Variants in SHISA9 observed in about 807,000 individuals in gnomAD.
The protein encoded by SHISA9 is protein shisa-9.
Under a neutral mutation model 38.0 loss-of-function variants are expected in SHISA9, and 13 were observed. The ratio of observed to expected loss-of-function variants is 0.34; its 90% CI spans 0.22 to 0.54. The LOEUF (loss-of-function observed/expected upper bound fraction) is 0.54, where lower values mean the gene tolerates loss of function less well. Among genes scored for constraint, SHISA9 ranks in the 20% least tolerant of loss-of-function variants. The probability of loss-of-function intolerance (pLI) is 0.91; values close to 1 mark genes in which losing one functional copy is unlikely to be tolerated. For synonymous variants in SHISA9, 275 were observed against 242.0 expected (o/e 1.14, Z -1.27); for missense variants, 538 against 575.8 (o/e 0.93, Z 0.67).
chr16:12,908,409 G>A, intron 1 of SHISA9: 1 of 1,539,716 alleles, frequency 6.5e-7, no homozygotes, highest in East Asian at 2.5e-5. Flanking sequence ...ATCCTTGTTG[G>A]TTTTGCAATT....
chr16:12,953,939 A>G (rs1311954004), intron 2 of SHISA9, among the ~76,000 whole-genome samples: 1 of 152,212 alleles, frequency 6.6e-6, no homozygotes, highest in Non-Finnish European at 1.5e-5. Context: ...CACTGTCATG[A>G]GAACAGCATG....
At chr16:13,562,137 C>T in the SHISA9 span, among the ~76,000 whole-genome samples, 1 of 152,110 alleles carries the variant, frequency 6.6e-6, no homozygotes, top group Non-Finnish European at 1.5e-5. Flanking sequence ...ATCCTTTTTC[C>T]TTCCAGCACC....
chr16:13,303,761 A>T, the SHISA9 span, among the ~76,000 whole-genome samples: 2 of 152,188 alleles, frequency 1.3e-5, no homozygotes, highest in East Asian at 1.9e-4. Flanking sequence ...ATTTTACCAA[A>T]TTTTTAAAAA....
intron 2 of SHISA9, among the ~76,000 whole-genome samples, chr16:13,027,863 G>A (rs955682078): frequency 7.0e-6 from 1 of 143,002 alleles, no homozygotes. Context: ...GGAGGCGGAG[G>A]TTGTAGTGAG....
intron 2 of SHISA9, among the ~76,000 whole-genome samples, chr16:12,928,609 G>A (rs2071423963): frequency 6.6e-6 from 1 of 152,148 alleles, no homozygotes; most frequent in Admixed American, 6.5e-5. Flanking sequence ...AACTTCTCTA[G>A]TTTTGATGCC....
intron 2 of SHISA9, among the ~76,000 whole-genome samples, chr16:13,091,396 T>C (rs2073773556): frequency 6.6e-6 from 1 of 152,214 alleles, no homozygotes; most frequent in Non-Finnish European, 1.5e-5. Context: ...AAGAGTGTTT[T>C]CCAACTTGGT....
chr16:13,227,507 A>G (rs576130342), intron 4 of SHISA9, among the ~76,000 whole-genome samples: 1 of 152,296 alleles, frequency 6.6e-6, no homozygotes, highest in African/African-American at 2.4e-5. Context: ...AGGCTGAAGA[A>G]CAGATCTGAG....
chr16:13,533,586 T>A, the SHISA9 span, among the ~76,000 whole-genome samples: 14 of 150,460 alleles, frequency 9.3e-5, no homozygotes, highest in African/African-American at 3.4e-4. Context: ...TACACAAGCC[T>A]CTGTGGGGAC....
At chr16:13,012,828 G>T (rs952247295) in intron 2 of SHISA9, among the ~76,000 whole-genome samples, 2 of 152,170 alleles carry the variant, frequency 1.3e-5, no homozygotes, top group African/African-American at 2.4e-5. Context: ...GCTGGGTCCT[G>T]TGTCTCCAAC....
At chr16:13,436,241 G>C in the SHISA9 span, among the ~76,000 whole-genome samples, 1 of 152,104 alleles carries the variant, frequency 6.6e-6, no homozygotes, top group Non-Finnish European at 1.5e-5. Flanking sequence ...AGTAAAAAAG[G>C]GTGTCGTAAA....
chr16:13,089,409 C>T (rs1053676258), intron 2 of SHISA9, among the ~76,000 whole-genome samples: 19 of 152,220 alleles, frequency 1.2e-4, no homozygotes, highest in Non-Finnish European at 2.2e-4. Context: ...TGGTAGAATT[C>T]GGCTGTGAAT....
At chr16:13,015,928 TCC>T (rs1356210246) in intron 2 of SHISA9, among the ~76,000 whole-genome samples, 7 of 79,958 alleles carry the variant, frequency 8.8e-5, no homozygotes, top group Non-Finnish European at 1.4e-4. Flanking sequence ...TCTCCTTCCT[TCC>T]TTCTTTCCTT....
the SHISA9 span, among the ~76,000 whole-genome samples, chr16:13,307,640 G>A: frequency 6.6e-5 from 10 of 152,166 alleles, no homozygotes; most frequent in African/African-American, 1.9e-4. Flanking sequence ...CCCAAAACCT[G>A]CGTGAAGTAC....
chr16:13,182,921 T>A (rs1282261300), intron 2 of SHISA9, among the ~76,000 whole-genome samples: 2 of 152,220 alleles, frequency 1.3e-5, no homozygotes, highest in Non-Finnish European at 2.9e-5. Flanking sequence ...ACACAGTGAC[T>A]GGAGCAGAAG....
intron 2 of SHISA9, among the ~76,000 whole-genome samples, chr16:12,973,961 T>C (rs1010316924): frequency 6.6e-6 from 1 of 152,198 alleles, no homozygotes; most frequent in African/African-American, 2.4e-5. Context: ...TATGCTTGCT[T>C]TCCTTATTAT....
intron 2 of SHISA9, among the ~76,000 whole-genome samples, chr16:13,197,008 C>G (rs1031769108): frequency 3.3e-5 from 5 of 152,078 alleles, no homozygotes; most frequent in African/African-American, 9.7e-5. Context: ...GGGAGGATCA[C>G]TTGAACCTGG....
the SHISA9 span, chr16:13,562,748 A>C: frequency 6.6e-6 from 1 of 152,176 alleles, no homozygotes; most frequent in Non-Finnish European, 1.5e-5. Context: ...TATGGTTGGA[A>C]ACCTGCCAGA....
At chr16:13,106,355 A>G (rs1053045850) in intron 2 of SHISA9, among the ~76,000 whole-genome samples, 2 of 152,194 alleles carry the variant, frequency 1.3e-5, no homozygotes, top group African/African-American at 2.4e-5. Flanking sequence ...AAGTTCCTGC[A>G]TCAGAGTCCA....
chr16:13,078,990 C>T (rs1407786443), intron 2 of SHISA9, among the ~76,000 whole-genome samples: 1 of 152,182 alleles, frequency 6.6e-6, no homozygotes, highest in Non-Finnish European at 1.5e-5. Context: ...ATGCAGCAGC[C>T]AGACAGCCTG....
Sources: gnomAD v4.1 joint callset for allele counts (sites outside exome capture counted in the v4.1 genomes callset) on GRCh38, gnomAD v4.1.1 for gene constraint, MANE v1.5 for transcripts, NCBI Gene and HGNC (gene_info 2026-07-23, HGNC 2026-07-21) for gene names.